ANKRD30B: variants seen among roughly 807,000 people sequenced by gnomAD.
ANKRD30B encodes ankyrin repeat domain-containing protein 30B.
In ANKRD30B, 144 loss-of-function variants were observed where a neutral mutation model predicts 202.2. The observed-to-expected ratio is 0.71, with a 90% CI of 0.62 to 0.82. The LOEUF (loss-of-function observed/expected upper bound fraction) is 0.82. Among genes scored for constraint, ANKRD30B ranks in the 40% least tolerant of loss-of-function variants. ANKRD30B has a pLI of 0.00. For missense variants in ANKRD30B, 1,487 were observed against 1,669.1 expected (o/e 0.89, Z 1.90); for synonymous variants, 508 against 561.3 (o/e 0.91, Z 1.34).
intron 39 of ANKRD30B, among the ~76,000 whole-genome samples, chr18:14,847,151 C>CTT (rs754954161): frequency 7.6e-4 from 109 of 142,684 alleles, no homozygotes; most frequent in South Asian, 6.1e-3. Context: ...TTAGTCATAT[C>CTT]TTTTTGTGGT....
chr18:14,766,472 CA>C (rs1168681924), intron 7 of ANKRD30B, among the ~76,000 whole-genome samples: 262 of 55,594 alleles, frequency 4.7e-3, no homozygotes, highest in African/African-American at 0.016. Context: ...GACTCCATCT[CA>C]AAAAAAAAAA....
At chr18:14,789,216 C>A (rs547171892) in intron 15 of ANKRD30B, among the ~76,000 whole-genome samples, 2 of 152,246 alleles carry the variant, frequency 1.3e-5, no homozygotes, top group South Asian at 2.1e-4. Flanking sequence ...CTGTTCATGT[C>A]CTTCACCCAC....
intron 39 of ANKRD30B, among the ~76,000 whole-genome samples, chr18:14,844,344 A>G (rs1332370533): frequency 1.3e-5 from 2 of 152,246 alleles, no homozygotes; most frequent in Non-Finnish European, 2.9e-5. Flanking sequence ...CTTTAATAAA[A>G]GTGAAAACTG....
intron 40 of ANKRD30B, among the ~76,000 whole-genome samples, chr18:14,849,926 T>TATAA (rs1167082155): frequency 6.6e-6 from 1 of 151,592 alleles, no homozygotes; most frequent in African/African-American, 2.4e-5. Context: ...ATTTTCAACT[T>TATAA]ATAAATTTAC....
At chr18:14,874,777 T>A in the ANKRD30B span, among the ~76,000 whole-genome samples, 1 of 152,194 alleles carries the variant, frequency 6.6e-6, no homozygotes, top group South Asian at 2.1e-4. Flanking sequence ...ATGGAATAAC[T>A]CATGTACAAG....
chr18:14,800,309 T>C (rs1451749479), intron 22 of ANKRD30B, among the ~76,000 whole-genome samples: 3 of 146,880 alleles, frequency 2.0e-5, no homozygotes, highest in Non-Finnish European at 4.5e-5. Context: ...TTAAATTTTC[T>C]TTTTTTTTTA....
At chr18:14,800,624 C>T (rs1170865061) in intron 22 of ANKRD30B, among the ~76,000 whole-genome samples, 3 of 148,844 alleles carry the variant, frequency 2.0e-5, no homozygotes, top group Non-Finnish European at 4.5e-5. Context: ...GCGCCCGGCC[C>T]AGAGTCTTTT....
chr18:14,922,795 A>T, the ANKRD30B span, among the ~76,000 whole-genome samples: 1 of 152,174 alleles, frequency 6.6e-6, no homozygotes, highest in Non-Finnish European at 1.5e-5. Flanking sequence ...CCCAGGTGGT[A>T]AGGGAGTGCT....
intron 15 of ANKRD30B, among the ~76,000 whole-genome samples, chr18:14,788,984 T>G (rs1268283966): frequency 3.3e-5 from 5 of 152,138 alleles, no homozygotes; most frequent in East Asian, 3.9e-4. Context: ...ACTTCCACAA[T>G]GGTTGAACTA....
At position 14,796,255 on chromosome 18, in the gene ANKRD30B, A is replaced by G; in HGVS notation, c.1854+6A>G. ...TTAAAGATGGTCTTCTGAAGGTAAT[A>G]ACTTTTATATTGCTATCTTGAATAC... On this transcript the variant is annotated splice_donor_region_variant and intron_variant, in intron 17 of 43. Transcript: ENST00000690538. 4 of 1,606,156 alleles carry G rather than the reference A, an allele frequency of 2.5e-6. No homozygotes were observed. The highest frequency in any genetic ancestry group is 3.4e-6 in the Non-Finnish European group (4 of 1,173,216).
chr18:14,809,848 C>T, intron 26 of ANKRD30B, 138 bp from the exon 27 acceptor site: 1 of 854,980 alleles, frequency 1.2e-6, no homozygotes, highest in Middle Eastern at 3.7e-4. Flanking sequence ...ATACAATAAC[C>T]CAAAAGACCC....
chr18:14,827,928 A>G (rs1275787447), intron 32 of ANKRD30B, among the ~76,000 whole-genome samples: 3 of 152,218 alleles, frequency 2.0e-5, no homozygotes, highest in Non-Finnish European at 4.4e-5. Context: ...TTTCCTACCA[A>G]TAGTATACTT....
intron 26 of ANKRD30B, among the ~76,000 whole-genome samples, chr18:14,809,455 T>A (rs536799975): frequency 6.6e-6 from 1 of 150,770 alleles, no homozygotes; most frequent in Non-Finnish European, 1.5e-5. Context: ...GAAGGGAGTA[T>A]GCCTTAACCC....
intron 4 of ANKRD30B, among the ~76,000 whole-genome samples, chr18:14,755,668 C>T (rs575062056): frequency 6.6e-6 from 1 of 152,062 alleles, no homozygotes; most frequent in East Asian, 1.9e-4. Context: ...GTTTTTTGTC[C>T]TTGCGATAGT....
the ANKRD30B span, among the ~76,000 whole-genome samples, chr18:14,905,127 T>C: frequency 6.6e-6 from 1 of 152,234 alleles, no homozygotes; most frequent in African/African-American, 2.4e-5. Flanking sequence ...GAAGTTACCC[T>C]ATATGGTCTA....
chr18:14,936,131 A>G, the ANKRD30B span, among the ~76,000 whole-genome samples: 1 of 152,166 alleles, frequency 6.6e-6, no homozygotes, highest in African/African-American at 2.4e-5. Flanking sequence ...ACAAAACACC[A>G]CTGAACCTTT....
At chr18:14,855,560 C>A (rs1439159725), downstream of ANKRD30B, among the ~76,000 whole-genome samples, 1 of 149,776 alleles carries the variant, frequency 6.7e-6, no homozygotes, top group East Asian at 2.0e-4. Context: ...ATGGGGCAAC[C>A]AGGCAAGAGG....
the ANKRD30B span, among the ~76,000 whole-genome samples, chr18:14,882,379 G>A: frequency 6.6e-6 from 1 of 152,180 alleles, no homozygotes; most frequent in Non-Finnish European, 1.5e-5. Context: ...TCATTCAGGA[G>A]CAGGTTATTT....
the ANKRD30B span, among the ~76,000 whole-genome samples, chr18:14,935,057 A>C: frequency 6.6e-6 from 1 of 152,122 alleles, no homozygotes; most frequent in Non-Finnish European, 1.5e-5. Flanking sequence ...ACCCCACTTA[A>C]GTGGAGACTT....
Sources: gnomAD v4.1 joint callset for allele counts (sites outside exome capture counted in the v4.1 genomes callset) on GRCh38, gnomAD v4.1.1 for gene constraint, MANE v1.5 for transcripts, NCBI Gene and HGNC (gene_info 2026-07-23, HGNC 2026-07-21) for gene names.